The following NLGN1 variants were observed in gnomAD, a reference collection of about 807,000 sequenced individuals.
NLGN1 encodes the protein neuroligin 1.
NLGN1 carries 12 observed loss-of-function variants against 65.5 expected under a neutral mutation model. That is an observed-to-expected ratio of 0.18 (90% CI 0.12 to 0.30). The LOEUF (loss-of-function observed/expected upper bound fraction) is 0.30. NLGN1 is among the 10% of genes least tolerant of loss of function. NLGN1 has a pLI of 1.00. For missense variants in NLGN1, 750 were observed against 1,007.1 expected, an observed-to-expected ratio of 0.74 and a Z score of 3.46; for synonymous variants, 350 against 359.5, an observed-to-expected ratio of 0.97 and a Z score of 0.30.
At chr3:173,593,715 T>C (rs1405598135) in intron 2 of NLGN1, among the ~76,000 whole-genome samples, 4 of 152,116 alleles carry the variant, frequency 2.6e-5, no homozygotes, top group Non-Finnish European at 4.4e-5. Context: ...AGGGCTGTGC[T>C]GTATTAGTCT....
intron 2 of NLGN1, among the ~76,000 whole-genome samples, chr3:173,511,737 T>C (rs908700475): frequency 6.6e-6 from 1 of 152,176 alleles, no homozygotes; most frequent in East Asian, 1.9e-4. Flanking sequence ...GAGATTTTTT[T>C]CCTCAGCTGT....
chr3:174,239,994 A>G (rs575739418), intron 4 of NLGN1, among the ~76,000 whole-genome samples: 2 of 152,230 alleles, frequency 1.3e-5, no homozygotes, highest in Non-Finnish European at 2.9e-5. Context: ...ATTTTTAGAA[A>G]TTGACACTCT....
Position 173,414,583 on chromosome 3 carries a change from GA to G in NLGN1, c.-390+16108del, listed in dbSNP as rs34213418. ...TATATGATATGCAACATCTCCATGT[GA>G]AAAAAAAAAAAGCACCAAAAACTTC... On this transcript the variant is annotated intron_variant, in intron 1 of 6. Transcript: ENST00000457714. 2.3e-3 allele frequency among the ~76,000 whole-genome samples: 322 copies of G among 140,996 alleles called. 1 individual carries two copies. Among genetic ancestry groups the G allele is most frequent in the East Asian group, 4.4e-3 (21 of 4,826 alleles). 92.5% of individuals were successfully genotyped at this position (140,996 alleles called of 152,430 possible). A position where few individuals can be genotyped will look rare whatever the true frequency, so the allele number is the denominator to read the frequency against.
chr3:174,188,726 T>A (rs1303679240), intron 4 of NLGN1, among the ~76,000 whole-genome samples: 1 of 151,990 alleles, frequency 6.6e-6, no homozygotes, highest in East Asian at 1.9e-4. Context: ...CTTTAGGGAA[T>A]CATTTATCCT....
At position 173,920,679 on chromosome 3, in the gene NLGN1, C is replaced by G. The variant is rs539028750; in HGVS notation, c.646+112847C>G. On this transcript the variant is annotated intron_variant, in intron 4 of 6. Transcript: ENST00000457714. ...TAAGGTTCACAACCCCTGGTTCAAC[C>G]TCTAGGTTTTAAACATTGGAGCCAC... is the stretch of plus-strand genomic sequence containing the variant. 3.9e-5 allele frequency: 6 copies of G among 152,230 alleles called. No homozygotes were observed. The South Asian group carries it at 1.2e-3, about 32-fold the overall frequency. 9.4% of individuals were successfully genotyped at this position (152,230 alleles called of 1,614,324 possible). A position where few individuals can be genotyped will look rare whatever the true frequency, so the allele number is the denominator to read the frequency against.
chr3:174,001,616 A>T (rs1463485022), intron 4 of NLGN1, among the ~76,000 whole-genome samples: 1 of 152,218 alleles, frequency 6.6e-6, no homozygotes, highest in African/African-American at 2.4e-5. Context: ...GCACCCATGC[A>T]TCTCTGACCT....
intron 4 of NLGN1, among the ~76,000 whole-genome samples, chr3:173,935,618 ACACACT>A (rs1217238143): frequency 7.7e-5 from 9 of 117,020 alleles, no homozygotes; most frequent in East Asian, 4.9e-4. Flanking sequence ...ACACACACAC[ACACACT>A]CTCTCTCTCT....
intron 4 of NLGN1, among the ~76,000 whole-genome samples, chr3:174,011,105 G>A (rs2152441191): frequency 6.6e-6 from 1 of 152,210 alleles, no homozygotes; most frequent in East Asian, 1.9e-4. Flanking sequence ...TAAAGTAAAG[G>A]TAACTGTTTC....
At chr3:174,016,802 C>T (rs1435982076) in intron 4 of NLGN1, among the ~76,000 whole-genome samples, 1 of 152,150 alleles carries the variant, frequency 6.6e-6, no homozygotes, top group Non-Finnish European at 1.5e-5. Flanking sequence ...AGCCACATAG[C>T]AGCCAAGAAG....
Position 173,736,084 on chromosome 3 carries a change from T to C in NLGN1, c.494-71596T>C, listed in dbSNP as rs1578187827. ...TCATGTTTGGGAGGTAGGCACAGACTGAAGGAAGTGGATGCCCTAGGTTAG... is the reference window on the plus strand; with the variant it reads ...TCATGTTTGGGAGGTAGGCACAGACCGAAGGAAGTGGATGCCCTAGGTTAG... On this transcript the variant is annotated intron_variant, in intron 3 of 6. Transcript: ENST00000457714. Among the ~76,000 whole-genome samples the C allele has an allele frequency of 3.3e-5, 5 of 152,144 alleles. 1 individual carries two copies. The highest frequency in any genetic ancestry group is 3.3e-4 in the Admixed American group (5 of 15,244).
At chr3:173,765,268 G>C (rs1160439031) in intron 3 of NLGN1, among the ~76,000 whole-genome samples, 1 of 152,098 alleles carries the variant, frequency 6.6e-6, no homozygotes, top group Non-Finnish European at 1.5e-5. Flanking sequence ...AGAACAATGT[G>C]TTGCCAGAAT....
At chr3:173,603,902 G>T (rs914187523) in intron 2 of NLGN1, among the ~76,000 whole-genome samples, 2 of 151,980 alleles carry the variant, frequency 1.3e-5, no homozygotes, top group African/African-American at 4.8e-5. Context: ...AATATTTTCT[G>T]CTATTGGGTT....
chr3:173,672,520 G>T (rs1762583071), intron 3 of NLGN1, among the ~76,000 whole-genome samples: 1 of 152,160 alleles, frequency 6.6e-6, no homozygotes, highest in Non-Finnish European at 1.5e-5. Flanking sequence ...CAAGTTATTG[G>T]TCCTCTGAGA....
chr3:174,022,905 G>A (rs1430208379), intron 4 of NLGN1, among the ~76,000 whole-genome samples: 4 of 152,066 alleles, frequency 2.6e-5, no homozygotes, highest in Non-Finnish European at 2.9e-5. Context: ...TGCTTACAAA[G>A]GTTTATTAAC....
intron 4 of NLGN1, among the ~76,000 whole-genome samples, chr3:173,859,951 A>G (rs1260033175): frequency 6.6e-6 from 1 of 151,852 alleles, no homozygotes; most frequent in Non-Finnish European, 1.5e-5. Context: ...GTGCTCTCTT[A>G]TTTTCTTGAT....
chr3:174,278,769 T>G, intron 5 of NLGN1, 92 bp from the exon 6 acceptor site: 1 of 1,068,966 alleles, frequency 9.4e-7, no homozygotes, highest in Non-Finnish European at 1.3e-6. Flanking sequence ...TGTATCTGGG[T>G]TTTTATATAC....
At chr3:174,221,889 C>G (rs988702052) in intron 4 of NLGN1, among the ~76,000 whole-genome samples, 1 of 152,002 alleles carries the variant, frequency 6.6e-6, no homozygotes, top group Admixed American at 6.6e-5. Flanking sequence ...GTCTCTGTGT[C>G]GGATCTGAAT....
chr3:173,893,889 TATGTTACAAC>T (rs1167739713), intron 4 of NLGN1, among the ~76,000 whole-genome samples: 1 of 152,216 alleles, frequency 6.6e-6, no homozygotes, highest in Non-Finnish European at 1.5e-5. Context: ...CCTGAATACT[TATGTTACAAC>T]ATCTTTGGCC....
intron 3 of NLGN1, among the ~76,000 whole-genome samples, chr3:173,721,256 G>A (rs1040343252): frequency 1.3e-5 from 2 of 152,206 alleles, no homozygotes; most frequent in African/African-American, 4.8e-5. Flanking sequence ...GCTTGGTGTT[G>A]ACTGTCCTCA....
Sources: gnomAD v4.1 joint callset for allele counts (sites outside exome capture counted in the v4.1 genomes callset) on GRCh38, gnomAD v4.1.1 for gene constraint, MANE v1.5 for transcripts, NCBI Gene and HGNC (gene_info 2026-07-23, HGNC 2026-07-21) for gene names.